Variants in RANBP2 observed in about 807,000 individuals in gnomAD.
RANBP2 encodes the protein E3 SUMO-protein ligase RanBP2.
Under a neutral mutation model 303.6 loss-of-function variants are expected in RANBP2, and 57 were observed. The observed-to-expected ratio is 0.19, with a 90% confidence interval of 0.15 to 0.23. The LOEUF is 0.23. Ranked by LOEUF, RANBP2 falls within the 10% of genes least tolerant of loss-of-function variation. The pLI is 1.00. For missense variants in RANBP2, 3,138 were observed against 3,780.8 expected (o/e 0.83, Z 4.46); for synonymous variants, 1,167 against 1,301.5 (o/e 0.90, Z 2.23).
chr2:109,496,570 C>G, the RANBP2 span, among the ~76,000 whole-genome samples: 3 of 152,244 alleles, frequency 2.0e-5, no homozygotes, highest in African/African-American at 7.2e-5. Context: ...GCCTGGCCGA[C>G]TCCTGCCCCT....
At chr2:108,796,174 G>A in the RANBP2 span, among the ~76,000 whole-genome samples, 7 of 151,778 alleles carry the variant, frequency 4.6e-5, no homozygotes, top group Admixed American at 6.6e-5. Context: ...TCAGCCTCCC[G>A]AGTAGCTGGG....
chr2:108,963,957 A>G, the RANBP2 span, among the ~76,000 whole-genome samples: 1 of 152,140 alleles, frequency 6.6e-6, no homozygotes, highest in Non-Finnish European at 1.5e-5. Flanking sequence ...CACTTCTTGG[A>G]CCATTTTCCT....
chr2:109,206,624 A>G, the RANBP2 span, among the ~76,000 whole-genome samples: 1 of 152,036 alleles, frequency 6.6e-6, no homozygotes, highest in Non-Finnish European at 1.5e-5. Context: ...CCTGGGAAAC[A>G]TAAGTAAGAC....
At chr2:108,789,109 G>A, downstream of RANBP2, 2 of 628,924 alleles carry the variant, frequency 3.2e-6, no homozygotes, top group East Asian at 5.8e-5. Context: ...CTGCTAAATA[G>A]TTGAAGCGAG....
At chr2:109,175,983 C>A in the RANBP2 span, among the ~76,000 whole-genome samples, 1 of 152,210 alleles carries the variant, frequency 6.6e-6, no homozygotes, top group South Asian at 2.1e-4. Context: ...AGAGAGCAAG[C>A]AGAAAAGATC....
At chr2:109,676,957 A>T in the RANBP2 span, among the ~76,000 whole-genome samples, 2 of 151,164 alleles carry the variant, frequency 1.3e-5, no homozygotes, top group African/African-American at 4.9e-5. Flanking sequence ...AAAAAAATGT[A>T]TTTTTTTTTC....
At chr2:109,347,449 G>A in the RANBP2 span, among the ~76,000 whole-genome samples, 1 of 152,050 alleles carries the variant, frequency 6.6e-6, no homozygotes, top group Non-Finnish European at 1.5e-5. Context: ...GTCCTTTTTA[G>A]GAGGAATGGC....
the RANBP2 span, among the ~76,000 whole-genome samples, chr2:108,845,468 G>A: frequency 6.6e-6 from 1 of 152,106 alleles, no homozygotes; most frequent in South Asian, 2.1e-4. Context: ...TCAGTCACAT[G>A]AGATTGGAGA....
the RANBP2 span, among the ~76,000 whole-genome samples, chr2:108,837,493 G>A: frequency 6.6e-6 from 1 of 151,994 alleles, no homozygotes; most frequent in Non-Finnish European, 1.5e-5. Context: ...ATATTATAAT[G>A]GAGCAAAGAA....
chr2:109,044,316 T>A, the RANBP2 span, among the ~76,000 whole-genome samples: 1 of 151,968 alleles, frequency 6.6e-6, no homozygotes, highest in Non-Finnish European at 1.5e-5. Flanking sequence ...GTCAAGAGAT[T>A]GAGACCGTCC....
At chr2:109,417,099 G>A in the RANBP2 span, among the ~76,000 whole-genome samples, 1 of 152,116 alleles carries the variant, frequency 6.6e-6, no homozygotes, top group African/African-American at 2.4e-5. Context: ...ATGGGTGAGT[G>A]AATGACCCTA....
the RANBP2 span, among the ~76,000 whole-genome samples, chr2:109,243,249 A>T: frequency 2.6e-5 from 4 of 152,236 alleles, no homozygotes; most frequent in African/African-American, 9.6e-5. Context: ...ACCCATCAGC[A>T]ACTGCCAGTC....
At position 108,758,515 on chromosome 2, in the gene RANBP2, G is replaced by C; in HGVS notation, c.2569G>C (p.Gly857Arg). 1 of 1,611,134 alleles carries C rather than the reference G, an allele frequency of 6.2e-7. No individual in the cohort carries two copies. Among genetic ancestry groups the C allele is most frequent in the Non-Finnish European group, 8.5e-7 (1 of 1,179,770 alleles). Residue 857 changes from glycine (G) to arginine (R), a missense_variant, in exon 18 of 29, where the codon GGG becomes CGG. Around this residue, in one of 20 missense-constraint regions of RANBP2, gnomAD observed 26 missense variants for 58.0 expected, o/e 0.45. Transcript: ENST00000283195. ...AGACTCAGTGCCTGATGGATATCAG[G>C]GGTCACAGACATTTCATGGGGCTCC... The part of the protein sequence containing the change: ...GPDSVPDGYQ[G>R]SQTFHGAPLT...
At chr2:108,796,463 A>C in the RANBP2 span, among the ~76,000 whole-genome samples, 14 of 152,326 alleles carry the variant, frequency 9.2e-5, no homozygotes, top group African/African-American at 3.1e-4. Context: ...CGTATGATCC[A>C]GCAATCCCAC....
At chr2:108,732,410 G>T (rs188810041) in intron 4 of RANBP2, among the ~76,000 whole-genome samples, 21 of 152,252 alleles carry the variant, frequency 1.4e-4, no homozygotes, top group Non-Finnish European at 2.6e-4. Context: ...TTGGATTTCA[G>T]ATTTTCAGAT....
the RANBP2 span, among the ~76,000 whole-genome samples, chr2:109,381,570 T>A: frequency 6.6e-6 from 1 of 152,134 alleles, no homozygotes; most frequent in African/African-American, 2.4e-5. Context: ...CGGGCTTCCA[T>A]GTTCTTGTCT....
chr2:109,129,048 GC>G, the RANBP2 span: 1 of 414,704 alleles, frequency 2.4e-6, no homozygotes, highest in South Asian at 1.7e-5. Flanking sequence ...CGACTAGCGA[GC>G]AGGCCAGGGG....
chr2:109,265,124 T>A, the RANBP2 span, among the ~76,000 whole-genome samples: 1 of 152,088 alleles, frequency 6.6e-6, no homozygotes, highest in Non-Finnish European at 1.5e-5. Flanking sequence ...CGAAATAGGA[T>A]GGTGTGTGTT....
the RANBP2 span, among the ~76,000 whole-genome samples, chr2:108,914,224 C>A: frequency 6.6e-6 from 1 of 152,000 alleles, no homozygotes; most frequent in East Asian, 1.9e-4. Flanking sequence ...CACACCACTG[C>A]ACTCTAGCCT....
Sources: gnomAD v4.1 joint callset for allele counts (sites outside exome capture counted in the v4.1 genomes callset) on GRCh38, gnomAD v4.1.1 for gene constraint, gnomAD v4.1.1 regional missense constraint, MANE v1.5 for transcripts, NCBI Gene and HGNC (gene_info 2026-07-23, HGNC 2026-07-21) for gene names.